CNTNAP4: variants seen among roughly 807,000 people sequenced by gnomAD.
CNTNAP4 encodes contactin-associated protein-like 4.
In CNTNAP4, 98 loss-of-function variants were observed where a neutral mutation model predicts 148.4. The ratio of observed to expected loss-of-function variants is 0.66; its 90% CI spans 0.56 to 0.78. The LOEUF (loss-of-function observed/expected upper bound fraction) is 0.78, where lower values mean the gene tolerates loss of function less well. Ranked by LOEUF, CNTNAP4 falls within the 30% of genes least tolerant of loss-of-function variation. The pLI is 0.00. For synonymous variants in CNTNAP4, 730 were observed against 565.1 expected (o/e 1.29, Z -4.14); for missense variants, 1,935 against 1,565.6 (o/e 1.24, Z -3.98).
At chr16:76,283,194 G>T (rs934252868) in intron 1 of CNTNAP4, among the ~76,000 whole-genome samples, 2 of 151,768 alleles carry the variant, frequency 1.3e-5, no homozygotes, top group Admixed American at 6.6e-5. Flanking sequence ...TACAAATACC[G>T]ATTTTTCTTG....
At chr16:76,329,223 A>C (rs528891066) in intron 2 of CNTNAP4, among the ~76,000 whole-genome samples, 1 of 152,300 alleles carries the variant, frequency 6.6e-6, no homozygotes, top group Non-Finnish European at 1.5e-5. Context: ...GTCACTTAAC[A>C]GTTAGTGTGA....
At chr16:76,368,682 G>A (rs570102360) in intron 3 of CNTNAP4, among the ~76,000 whole-genome samples, 2 of 152,192 alleles carry the variant, frequency 1.3e-5, no homozygotes, top group East Asian at 3.9e-4. Context: ...TGGGGTAAGG[G>A]GCAAGGGGAG....
At chr16:76,311,995 C>T (rs896257713) in intron 1 of CNTNAP4, among the ~76,000 whole-genome samples, 1 of 152,174 alleles carries the variant, frequency 6.6e-6, no homozygotes, top group African/African-American at 2.4e-5. Flanking sequence ...TACTCACGTG[C>T]AGTGAATAAT....
At chr16:76,546,692 C>G (rs2084749411) in intron 21 of CNTNAP4, among the ~76,000 whole-genome samples, 1 of 152,116 alleles carries the variant, frequency 6.6e-6, no homozygotes, top group South Asian at 2.1e-4. Context: ...TCCCCCCACT[C>G]CCATCTGTAG....
chr16:76,399,985 GATTA>G (rs760162954), intron 3 of CNTNAP4, among the ~76,000 whole-genome samples: 8 of 152,128 alleles, frequency 5.3e-5, no homozygotes, highest in African/African-American at 1.9e-4. Context: ...AAATGTAAAA[GATTA>G]ATTATTAATA....
chr16:76,277,537 G>T lies in CNTNAP4; in HGVS notation c.-126G>T. On this transcript the variant is annotated 5_prime_UTR_variant, in exon 1 of 24. Transcript: ENST00000611870. Reference sequence around the variant, plus strand: ...AGACGGAGGGAGGTGAGGAGGAAGGGAGGGGGAGAGACAGAGACCTAGAGG... The same window carrying T: ...AGACGGAGGGAGGTGAGGAGGAAGGTAGGGGGAGAGACAGAGACCTAGAGG... 1.6e-6 allele frequency: 1 copy of T among 628,048 alleles called. No homozygotes were observed. 38.9% of individuals were successfully genotyped at this position (628,048 alleles called of 1,614,324 possible).
At chr16:76,278,014 A>G (rs551384700) in intron 1 of CNTNAP4, among the ~76,000 whole-genome samples, 3 of 152,326 alleles carry the variant, frequency 2.0e-5, no homozygotes, top group East Asian at 1.9e-4. Flanking sequence ...AGAATGCCCA[A>G]GTTCTAGTAA....
At chr16:76,427,315 T>G in intron 3 of CNTNAP4, 137 bp from the exon 4 acceptor site, 1 of 609,898 alleles carries the variant, frequency 1.6e-6, no homozygotes, top group Non-Finnish European at 2.7e-6. Flanking sequence ...ACATAACTGT[T>G]AATGTGATTT....
At chr16:76,495,227 GTAT>G (rs1174364963) in intron 14 of CNTNAP4, 161 bp downstream of exon 14, 2 of 626,436 alleles carry the variant, frequency 3.2e-6, no homozygotes, top group African/African-American at 3.7e-5. Context: ...ATAATCGTTA[GTAT>G]TAAGTCAATG....
At chr16:76,462,467 C>G (rs1051115675) in intron 9 of CNTNAP4, among the ~76,000 whole-genome samples, 1 of 152,126 alleles carries the variant, frequency 6.6e-6, no homozygotes, top group Non-Finnish European at 1.5e-5. Flanking sequence ...GCCCTTAGCT[C>G]CTTCAGAGCA....
At chr16:76,447,957 A>G (rs1448622708) in intron 4 of CNTNAP4, 55 bp from the exon 5 acceptor site, 9 of 1,316,242 alleles carry the variant, frequency 6.8e-6, no homozygotes, top group Non-Finnish European at 9.8e-6. Flanking sequence ...ATTTAAAATG[A>G]TTTAATGGAA....
At position 76,507,654 on chromosome 16, in the gene CNTNAP4, T is replaced by A. The variant is rs2082878232; in HGVS notation, c.2365+8960T>A. On this transcript the variant is annotated intron_variant, in intron 15 of 23. Coordinates refer to ENST00000611870, the MANE Select transcript of CNTNAP4 (RefSeq NM_033401.5). Reference sequence around the variant, plus strand: ...TCTAGGTCAAAGGTTGGGTATGAAGTGGACCAATGGTGCTGACATAGGGCC... The same window carrying A: ...TCTAGGTCAAAGGTTGGGTATGAAGAGGACCAATGGTGCTGACATAGGGCC... Among the ~76,000 whole-genome samples the A allele has an allele frequency of 2.0e-5, 2 of 97,840 alleles. 1 individual carries two copies. Among genetic ancestry groups the A allele is most frequent in the Non-Finnish European group, 5.8e-5 (2 of 34,448 alleles). The allele number at this position is 97,840 out of a possible 152,430, so 64.2% of individuals were successfully genotyped here. A position where few individuals can be genotyped will look rare whatever the true frequency, so the allele number is the denominator to read the frequency against.
chr16:76,417,714 C>G (rs1272670829), intron 3 of CNTNAP4, among the ~76,000 whole-genome samples: 1 of 151,440 alleles, frequency 6.6e-6, no homozygotes, highest in East Asian at 1.9e-4. Flanking sequence ...CAATGTAGAT[C>G]CAGATTTCTG....
intron 3 of CNTNAP4, among the ~76,000 whole-genome samples, chr16:76,378,757 T>G (rs2144682269): frequency 6.6e-6 from 1 of 152,300 alleles, no homozygotes; most frequent in Non-Finnish European, 1.5e-5. Flanking sequence ...TTTTGAGGGA[T>G]GTTGTGCTCC....
chr16:76,318,599 A>C (rs1304173264), intron 2 of CNTNAP4, among the ~76,000 whole-genome samples: 8 of 151,594 alleles, frequency 5.3e-5, no homozygotes, highest in Admixed American at 4.6e-4. Context: ...AATTACATGA[A>C]GTTTTCACAA....
chr16:76,302,288 G>A (rs1399660838), intron 1 of CNTNAP4, among the ~76,000 whole-genome samples: 3 of 152,144 alleles, frequency 2.0e-5, no homozygotes, highest in Admixed American at 1.3e-4. Flanking sequence ...TTTGAAAAGA[G>A]CTGAAGGACC....
At chr16:76,280,999 A>T (rs1958665755) in intron 1 of CNTNAP4, among the ~76,000 whole-genome samples, 1 of 152,082 alleles carries the variant, frequency 6.6e-6, no homozygotes, top group African/African-American at 2.4e-5. Context: ...AGAATAATTA[A>T]TGCTCCCCAA....
At chr16:76,310,997 C>T (rs1057092438) in intron 1 of CNTNAP4, among the ~76,000 whole-genome samples, 1 of 151,762 alleles carries the variant, frequency 6.6e-6, no homozygotes, top group Non-Finnish European at 1.5e-5. Flanking sequence ...TCAAGTGTCC[C>T]TAGAGTTAAT....
chr16:76,515,099 T>C (rs1297884201), intron 15 of CNTNAP4, among the ~76,000 whole-genome samples: 1 of 152,162 alleles, frequency 6.6e-6, no homozygotes, highest in Non-Finnish European at 1.5e-5. Context: ...TGAGACTTTA[T>C]CAAAATGAAA....
Sources: gnomAD v4.1 joint callset for allele counts (sites outside exome capture counted in the v4.1 genomes callset) on GRCh38, gnomAD v4.1.1 for gene constraint, MANE v1.5 for transcripts, NCBI Gene and HGNC (gene_info 2026-07-23, HGNC 2026-07-21) for gene names.